Variants in ZNF804A observed in about 807,000 individuals in gnomAD.
The protein encoded by ZNF804A is zinc finger protein 804A.
In ZNF804A, 2 loss-of-function variants were observed where a neutral mutation model predicts 16.5. That is an observed-to-expected ratio of 0.12 (90% CI 0.05 to 0.38). The LOEUF (loss-of-function observed/expected upper bound fraction) is 0.38. Ranked by LOEUF, ZNF804A falls within the 10% of genes least tolerant of loss-of-function variation. The probability of loss-of-function intolerance (pLI) is 0.99; values close to 1 mark genes in which losing one functional copy is unlikely to be tolerated. For missense variants in ZNF804A, 1,473 were observed against 1,390.7 expected (o/e 1.06, Z -0.94); for synonymous variants, 534 against 489.6 (o/e 1.09, Z -1.20).
At chr2:184,735,442 G>A (rs1010623649) in intron 1 of ZNF804A, among the ~76,000 whole-genome samples, 4 of 152,042 alleles carry the variant, frequency 2.6e-5, no homozygotes, top group Admixed American at 6.5e-5. Flanking sequence ...GGGCCTGTTT[G>A]GGGGTGGGGT....
chr2:184,848,461 TAA>T (rs1025086415), intron 1 of ZNF804A, among the ~76,000 whole-genome samples: 7 of 151,970 alleles, frequency 4.6e-5, no homozygotes, highest in African/African-American at 7.2e-5. Flanking sequence ...AGGAAAGATA[TAA>T]GAGGGAAATA....
intron 1 of ZNF804A, among the ~76,000 whole-genome samples, chr2:184,731,571 T>TTTG (rs1423205488): frequency 6.9e-6 from 1 of 144,112 alleles, no homozygotes; most frequent in Non-Finnish European, 1.5e-5. Flanking sequence ...ACGCTTTTTT[T>TTTG]TTTTTTTTTT....
chr2:184,826,249 A>G (rs1205695532), intron 1 of ZNF804A, among the ~76,000 whole-genome samples: 1 of 152,070 alleles, frequency 6.6e-6, no homozygotes, highest in African/African-American at 2.4e-5. Context: ...ATCTATTTGC[A>G]TATATTTAAC....
intron 1 of ZNF804A, among the ~76,000 whole-genome samples, chr2:184,836,330 C>T (rs150148053): frequency 6.6e-6 from 1 of 152,118 alleles, no homozygotes; most frequent in Non-Finnish European, 1.5e-5. Context: ...GGCCTGAAAT[C>T]TGTTCGTGTT....
intron 1 of ZNF804A, among the ~76,000 whole-genome samples, chr2:184,855,979 G>A (rs1330180628): frequency 6.6e-6 from 1 of 151,988 alleles, no homozygotes. Context: ...TGTCAATAAT[G>A]AGACTCCAGT....
At chr2:184,866,899 T>C in intron 2 of ZNF804A, among the ~76,000 whole-genome samples, 1 of 150,686 alleles carries the variant, frequency 6.6e-6, no homozygotes, top group African/African-American at 2.4e-5. Context: ...ATAAATCTAA[T>C]ATATACATAT....
intron 1 of ZNF804A, among the ~76,000 whole-genome samples, chr2:184,826,428 G>A (rs1695169975): frequency 6.6e-6 from 1 of 151,886 alleles, no homozygotes; most frequent in African/African-American, 2.4e-5. Flanking sequence ...TCTCTTAGGA[G>A]GTGAATTATT....
intron 1 of ZNF804A, 116 bp from the exon 2 acceptor site, chr2:184,866,253 C>T: frequency 1.5e-5 from 13 of 838,968 alleles, no homozygotes; most frequent in South Asian, 5.4e-5. Context: ...CTTTCTTTTT[C>T]TCTTTGCTGT....
intron 2 of ZNF804A, among the ~76,000 whole-genome samples, chr2:184,927,419 C>T (rs1223246674): frequency 6.6e-6 from 1 of 152,230 alleles, no homozygotes. Context: ...CCTGTGGCCA[C>T]CACCACTGGG....
intron 1 of ZNF804A, among the ~76,000 whole-genome samples, chr2:184,689,045 T>C (rs762021516): frequency 1.4e-4 from 22 of 152,132 alleles, no homozygotes; most frequent in Non-Finnish European, 2.5e-4. Flanking sequence ...TAATAACACA[T>C]ATACACACTA....
intron 1 of ZNF804A, among the ~76,000 whole-genome samples, chr2:184,771,825 AC>A (rs1694219919): frequency 6.6e-6 from 1 of 151,982 alleles, no homozygotes. Flanking sequence ...AGTGAGAAAA[AC>A]TAAGAGTCTT....
At chr2:184,683,000 C>G (rs1692566991) in intron 1 of ZNF804A, among the ~76,000 whole-genome samples, 1 of 152,062 alleles carries the variant, frequency 6.6e-6, no homozygotes, top group Non-Finnish European at 1.5e-5. Flanking sequence ...AACCCTCTCT[C>G]AAAAAATAAA....
At chr2:184,782,537 G>C (rs1694385704) in intron 1 of ZNF804A, among the ~76,000 whole-genome samples, 1 of 151,434 alleles carries the variant, frequency 6.6e-6, no homozygotes, top group Non-Finnish European at 1.5e-5. Flanking sequence ...TCCTGCCCTT[G>C]AACATTAGAC....
chr2:184,684,702 G>T (rs1401420599), intron 1 of ZNF804A, among the ~76,000 whole-genome samples: 4 of 152,136 alleles, frequency 2.6e-5, no homozygotes, highest in Non-Finnish European at 4.4e-5. Context: ...CCAATAGGTA[G>T]ATTTCCCTCC....
At chr2:184,748,576 T>G (rs1282575735) in intron 1 of ZNF804A, among the ~76,000 whole-genome samples, 1 of 151,530 alleles carries the variant, frequency 6.6e-6, no homozygotes, top group Non-Finnish European at 1.5e-5. Flanking sequence ...ACCCTACAGA[T>G]TGTCTCTTTA....
chr2:184,794,333 C>A (rs1694597704), intron 1 of ZNF804A, among the ~76,000 whole-genome samples: 1 of 152,022 alleles, frequency 6.6e-6, no homozygotes, highest in Non-Finnish European at 1.5e-5. Context: ...TGATGTTGAG[C>A]ATTTTTTCAT....
rs1266086529 is a variant in ZNF804A, at chr2:184,938,844, C to G, written c.3448C>G (p.Pro1150Ala). 6.2e-7 allele frequency: 1 copy of G among 1,613,872 alleles called. No individual in the cohort carries two copies. Among genetic ancestry groups the G allele is most frequent in the Non-Finnish European group, 8.5e-7 (1 of 1,179,990 alleles). The stretch of plus-strand genomic sequence containing the variant: ...CTCATTACCTCAGCTCTCAGTAGGA[C>G]CAGTAGGACCGAGGCTTTGTCCTGG... ...RTSLPQLSVG[P>A]VGPRLCPGNQ... Residue 1150 changes from proline (P) to alanine (A), a missense_variant, in exon 4 of 4, where the codon CCA becomes GCA. Physicochemically the swap from Pro to Ala is conservative, Grantham distance 27. Transcript: ENST00000302277.
At chr2:184,849,076 T>G (rs1038169605) in intron 1 of ZNF804A, among the ~76,000 whole-genome samples, 2 of 152,042 alleles carry the variant, frequency 1.3e-5, no homozygotes, top group Admixed American at 6.6e-5. Context: ...GTGCTCCATC[T>G]CACTGTGACC....
intron 1 of ZNF804A, among the ~76,000 whole-genome samples, chr2:184,683,355 A>C (rs1341739695): frequency 6.6e-6 from 1 of 152,170 alleles, no homozygotes; most frequent in East Asian, 1.9e-4. Flanking sequence ...CTTTAAACTG[A>C]AGTTATTCAG....
Sources: allele counts gnomAD v4.1 joint callset (sites outside exome capture counted in the v4.1 genomes callset), GRCh38; gene constraint gnomAD v4.1.1; transcripts MANE v1.5; gene names NCBI Gene and HGNC (gene_info 2026-07-23, HGNC 2026-07-21).